Variants in FLG observed in about 807,000 individuals in gnomAD.
The protein encoded by FLG is filaggrin, also known as epidermal filaggrin.
Under a neutral mutation model 3.8 loss-of-function variants are expected in FLG, and 6 were observed. The ratio of observed to expected loss-of-function variants is 1.60; its 90% CI spans 0.87 to 3.15. The LOEUF (loss-of-function observed/expected upper bound fraction) is 3.15, where lower values mean the gene tolerates loss of function less well. Ranked by LOEUF, FLG falls within the 30% of genes most tolerant of loss-of-function variation. FLG has a pLI of 0.00. For synonymous variants in FLG, 2,551 were observed against 1,931.6 expected (o/e 1.32, Z -8.41); for missense variants, 7,595 against 5,050.9 (o/e 1.50, Z -15.27).
Position 152,304,619 on chromosome 1 carries a change from T to C in FLG, c.10267A>G (p.Arg3423Gly), listed in dbSNP as rs765987006. 1 of 1,613,008 alleles carries C rather than the reference T, an allele frequency of 6.2e-7. No individual in the cohort carries two copies. Among genetic ancestry groups the C allele is most frequent in the Admixed American group, 1.7e-5 (1 of 59,886 alleles). The change falls in exon 3 of 3, where the codon AGG becomes GGG. Residue 3423 changes from arginine (R) to glycine (G), a missense_variant. Coordinates refer to ENST00000368799, the MANE Select transcript of FLG (RefSeq NM_002016.2). Reference protein sequence around the residue: ...SHHEQARDSSRHSASQEGQDT... With the variant: ...SHHEQARDSSGHSASQEGQDT... Reference sequence around the variant, plus strand: ...TGACCCTCTTGGGACGCTGAGTGCCTGGAGCTGTCTCGTGCCTGCTCGTGG... The same window carrying C: ...TGACCCTCTTGGGACGCTGAGTGCCCGGAGCTGTCTCGTGCCTGCTCGTGG...
rs147335121 is a variant in FLG at position 152,303,180 on chromosome 1, G to A, written c.11706C>T (p.Pro3902=). The A allele has an allele frequency of 6.2e-5, 100 of 1,613,960 alleles. No homozygotes were observed. Among genetic ancestry groups the A allele is most frequent in the Non-Finnish European group, 8.1e-5 (96 of 1,180,022 alleles). ...TGGCTGTATCGCGGTGAGAGGATCC[G>A]GGGTGTCTGGAGCCATCTCTTGACT... is the stretch of plus-strand genomic sequence containing the variant. ...REQSRDGSRH[P]GSSHRDTASH... The change falls in exon 3 of 3, where the codon CCC becomes CCT. Residue 3902 remains proline (P), a synonymous_variant. Transcript: ENST00000368799.
In FLG at chr1:152,307,217, G is replaced by T. The variant is rs146352614; in HGVS notation, c.7669C>A (p.Pro2557Thr). Residue 2557 changes from proline to threonine, a missense_variant, in exon 3 of 3, where the codon CCC becomes ACC. Coordinates refer to ENST00000368799, the MANE Select transcript of FLG (RefSeq NM_002016.2). ...SQVGQGQSEG[P>T]RTSRNWGSSF... ...GATCCCCAGTTCCTGCTTGTCCTGG[G>T]CCCCTCTGATTGTCCCTGGCCCACC... 12 of 1,612,402 alleles carry T rather than the reference G, an allele frequency of 7.4e-6. No homozygotes were observed. The highest frequency in any genetic ancestry group is 1.0e-5 in the Non-Finnish European group (12 of 1,179,718).
Position 152,303,493 on chromosome 1 carries a change from T to A in FLG, c.11393A>T (p.Asp3798Val). The change falls in exon 3 of 3, where the codon GAT becomes GTT. Residue 3798 changes from aspartate (D) to valine (V), a missense_variant. Physicochemically the swap from Asp to Val is radical, Grantham distance 152 (BLOSUM62 -3). Transcript: ENST00000368799. ...GGATCCTGACTGCCCATGGGAGGCA[T>A]CAGACCTTCCCTGGGATGTGGTGTG... ...HSHTTSQGRS[D>V]ASHGQSGSRS... 6.2e-7 allele frequency: 1 copy of A among 1,614,018 alleles called. No individual in the cohort carries two copies. Among genetic ancestry groups the A allele is most frequent in the Non-Finnish European group, 8.5e-7 (1 of 1,180,002 alleles).
rs768819221 is a variant in FLG, at chr1:152,307,522, G to A, written c.7364C>T (p.Ser2455Phe). 1.9e-6 allele frequency: 3 copies of A among 1,613,492 alleles called. No homozygotes were observed. Among genetic ancestry groups the A allele is most frequent in the South Asian group, 1.1e-5 (1 of 91,026 alleles). ...ATGAATGGTGTCCTGACCCTCTTGG[G>A]ACGTTGAGTGCCTGGAGCTGTCTCG... Reference protein sequence around the residue: ...QARDSSRHSTSQEGQDTIHGH... With the variant: ...QARDSSRHSTFQEGQDTIHGH... The change falls in exon 3 of 3, where the codon TCC becomes TTC. Residue 2455 changes from serine (S) to phenylalanine (F), a missense_variant. Coordinates refer to ENST00000368799, the MANE Select transcript of FLG (RefSeq NM_002016.2).
At position 152,314,632 on chromosome 1, in the gene FLG, T is replaced by C. The variant is rs755737937; in HGVS notation, c.254A>G (p.Tyr85Cys). 123 of 1,613,992 alleles carry C rather than the reference T, an allele frequency of 7.6e-5. No individual in the cohort carries two copies. The Admixed American group carries it at 2.0e-3, about 26-fold the overall frequency. Residue 85 changes from tyrosine to cysteine, a missense_variant, in exon 3 of 3, where the codon TAT becomes TGT. Coordinates refer to ENST00000368799, the MANE Select transcript of FLG (RefSeq NM_002016.2). ...ATTCTCTTTTCTGGTAGACTCATAA[T>C]ATGCTTGAGCCAACTTGAATACCAT... ...LLMVFKLAQA[Y>C]YESTRKENLP... is the part of the protein sequence containing the mutation.
rs3126068 is a variant in FLG, at chr1:152,305,158, A to G, written c.9728T>C (p.Val3243Ala). Residue 3243 changes from valine (V) to alanine (A), a missense_variant, in exon 3 of 3, where the codon GTT (valine) becomes GCT (alanine). Transcript: ENST00000368799. ...GSASRNHRGSVQEQSRHGSRH... is the reference protein window; with the variant it reads ...GSASRNHRGSAQEQSRHGSRH... The stretch of plus-strand genomic sequence containing the variant: ...GGAGCCGTGCCTTGACTGCTCCTGA[A>G]CAGATCCACGATGGTTTCTGGAAGC... The G allele has an allele frequency of 1.9e-4, 313 of 1,613,394 alleles. 12 individuals are homozygous for G. In the South Asian group the frequency reaches 2.2e-3, roughly 11 times the overall value.
chr1:152,311,297 G>C lies in FLG; in HGVS notation c.3589C>G (p.His1197Asp). ...RSGHSGSHHS[H>D]TTSQGRSDAS... ...TCAGACCTTCCCTGGGATGTGGTGT[G>C]GCTGTGATGGGACCCTGAGTGTCCA... The change falls in exon 3 of 3, where the codon CAC becomes GAC. Residue 1197 changes from histidine to aspartate, a missense_variant. His to Asp is a moderately conservative substitution (Grantham distance 81). Coordinates refer to ENST00000368799, the MANE Select transcript of FLG (RefSeq NM_002016.2). 1 of 1,613,872 alleles carries C rather than the reference G, an allele frequency of 6.2e-7. No homozygotes were observed. The highest frequency in any genetic ancestry group is 8.5e-7 in the Non-Finnish European group (1 of 1,179,974).
chr1:152,304,935 G>T lies in FLG; in HGVS notation c.9951C>A (p.Gly3317=). The T allele has an allele frequency of 6.2e-7, 1 of 1,613,776 alleles. No homozygotes were observed. Among genetic ancestry groups the T allele is most frequent in the Non-Finnish European group, 8.5e-7 (1 of 1,179,980 alleles). The change falls in exon 3 of 3, where the codon GGC becomes GGA. Residue 3317 remains glycine, a synonymous_variant. Coordinates refer to ENST00000368799, the MANE Select transcript of FLG (RefSeq NM_002016.2). The stretch of plus-strand genomic sequence containing the variant: ...CAGATGAAGCTTGTCCACGCGGAAT[G>T]CCTGAGTGTCTGGAGCTGTCTGCTG... The part of the protein sequence containing the change: ...QQSADSSRHS[G]IPRGQASSAV...
At position 152,304,328 on chromosome 1, in the gene FLG, G is replaced by C; in HGVS notation, c.10558C>G (p.Gln3520Glu). 6.2e-7 allele frequency: 1 copy of C among 1,611,718 alleles called. No individual in the cohort carries two copies. Among genetic ancestry groups the C allele is most frequent in the Non-Finnish European group, 8.5e-7 (1 of 1,178,916 alleles). ...STQADSSRHS[Q>E]SGQGQSAGPR... Reference sequence around the variant, plus strand: ...CCCGCTGATTGTCCCTGGCCGGACTGTGAGTGTCTAGAGCTGTCCGCCTGA... The same window carrying C: ...CCCGCTGATTGTCCCTGGCCGGACTCTGAGTGTCTAGAGCTGTCCGCCTGA... Residue 3520 changes from glutamine (Q) to glutamate (E), a missense_variant, in exon 3 of 3, where the codon CAG (glutamine) becomes GAG (glutamate). Coordinates refer to ENST00000368799, the MANE Select transcript of FLG (RefSeq NM_002016.2).
rs1374782023 is a variant in FLG at position 152,308,139 on chromosome 1, A to G, written c.6747T>C (p.Ser2249=). 1 of 1,613,750 alleles carries G rather than the reference A, an allele frequency of 6.2e-7. No individual in the cohort carries two copies. Among genetic ancestry groups the G allele is most frequent in the Non-Finnish European group, 8.5e-7 (1 of 1,179,952 alleles). The change falls in exon 3 of 3, where the codon AGT becomes AGC. Residue 2249 remains serine, a synonymous_variant. Transcript: ENST00000368799. ...TCTCAGAATCTTCTGAGTGTCCCTC[A>G]CTGTCACTGTCCTGGCTAACACTGG... ...RGSSVSQDSD[S]EGHSEDSERR... is the part of the protein sequence containing the mutation.
chr1:152,307,268 G>A lies in FLG; in HGVS notation c.7618C>T (p.Arg2540Trp), dbSNP rs547788565. 1,039 of 1,613,022 alleles carry A rather than the reference G, an allele frequency of 6.4e-4. 16 individuals carry two copies. In the South Asian group the frequency reaches 0.01, roughly 16 times the overall value. ...SGSRHHEASS[R>W]ADSSGHSQVG... ...TGCGAGTGTCCAGAGCTGTCGGCCC[G>A]AGAGGAAGCTTCATGGTGACGCGAC... The change falls in exon 3 of 3, where the codon CGG becomes TGG. Residue 2540 changes from arginine (R) to tryptophan (W), a missense_variant. Transcript: ENST00000368799.
chr1:152,313,428 C>G lies in FLG; in HGVS notation c.1458G>C (p.Gly486=). The G allele has an allele frequency of 6.2e-7, 1 of 1,613,770 alleles. No individual in the cohort carries two copies. The highest frequency in any genetic ancestry group is 8.5e-7 in the Non-Finnish European group (1 of 1,179,942). ...ATCCTTGTCTTCCTCCAGTGCTGGT[C>G]CCGGTCCGTCCATGGGCAGAGTCAG... ...EQPDSAHGRT[G]TSTGGRQGSH... is the part of the protein sequence containing the mutation. The change falls in exon 3 of 3, where the codon GGG becomes GGC. Residue 486 remains glycine (G), a synonymous_variant. Transcript: ENST00000368799.
rs760874693 is a variant in FLG at position 152,308,826 on chromosome 1, T to G, written c.6060A>C (p.Ser2020=). 27 of 1,614,178 alleles carry G rather than the reference T, an allele frequency of 1.7e-5. No homozygotes were observed. The African/African-American group carries it at 3.2e-4, about 19-fold the overall frequency. Residue 2020 remains serine (S), a synonymous_variant, in exon 3 of 3, where the codon TCA becomes TCC. Coordinates refer to ENST00000368799, the MANE Select transcript of FLG (RefSeq NM_002016.2). The part of the protein sequence containing the change: ...QLQSADSSRH[S]GIGHGQASSA... ...ATGAAGCTTGTCCATGCCCAATGCC[T>G]GAGTGTCTGGAGCTGTCTGCTGACT...
chr1:152,307,103 C>A lies in FLG; in HGVS notation c.7783G>T (p.Ala2595Ser), dbSNP rs572388274. Reference sequence around the variant, plus strand: ...GAGCCATCTCTTAGCTGCTCCTGAGCAGATCCATGATGGTTTCTGGAAGCA... The same window carrying A: ...GAGCCATCTCTTAGCTGCTCCTGAGAAGATCCATGATGGTTTCTGGAAGCA... ...GSASRNHHGS[A>S]QEQLRDGSRH... The change falls in exon 3 of 3, where the codon GCT (alanine) becomes TCT (serine). Residue 2595 changes from alanine (A) to serine (S), a missense_variant. By Grantham distance (99) the Ala-to-Ser change is moderately conservative. Coordinates refer to ENST00000368799, the MANE Select transcript of FLG (RefSeq NM_002016.2). The A allele has an allele frequency of 3.1e-6, 5 of 1,611,222 alleles. No individual in the cohort carries two copies. The highest frequency in any genetic ancestry group is 2.7e-5 in the African/African-American group (2 of 73,052).
chr1:152,303,292 T>G lies in FLG; in HGVS notation c.11594A>C (p.Gln3865Pro). Reference sequence around the variant, plus strand: ...TGGGTATGCCTCACTGTCACTGTCCTGGCTAACACTGGATCCCTGGCGCCT... The same window carrying G: ...TGGGTATGCCTCACTGTCACTGTCCGGGCTAACACTGGATCCCTGGCGCCT... ...RSRRQGSSVS[Q>P]DSDSEAYPED... The change falls in exon 3 of 3, where the codon CAG becomes CCG. Residue 3865 changes from glutamine to proline, a missense_variant. Transcript: ENST00000368799. 1 of 1,614,134 alleles carries G rather than the reference T, an allele frequency of 6.2e-7. No homozygotes were observed. Among genetic ancestry groups the G allele is most frequent in the Non-Finnish European group, 8.5e-7 (1 of 1,180,020 alleles).
At chr1:152,315,786 A>G (rs1257090042) in intron 1 of FLG, among the ~76,000 whole-genome samples, 1 of 152,176 alleles carries the variant, frequency 6.6e-6, no homozygotes, top group Non-Finnish European at 1.5e-5. Context: ...GCTAGCAACA[A>G]GAATTTAGAA....
chr1:152,322,850 T>A (rs1220278276), intron 1 of FLG, among the ~76,000 whole-genome samples: 1 of 151,362 alleles, frequency 6.6e-6, no homozygotes, highest in Non-Finnish European at 1.5e-5. Context: ...ATATCTGAAG[T>A]TTTTTTAAAA....
Position 152,313,393 on chromosome 1 carries a change from T to A in FLG, c.1493A>T (p.Glu498Val). 1 of 1,613,718 alleles carries A rather than the reference T, an allele frequency of 6.2e-7. No individual in the cohort carries two copies. Among genetic ancestry groups the A allele is most frequent in the Non-Finnish European group, 8.5e-7 (1 of 1,179,884 alleles). Residue 498 changes from glutamate to valine, a missense_variant, in exon 3 of 3, where the codon GAG (glutamate) becomes GTG (valine). Transcript: ENST00000368799. ...STGGRQGSHH[E>V]QARDSSRHSA... ...ATGCCTGGAGCTGTCTCGTGCCTGC[T>A]CGTGGTGCGATCCTTGTCTTCCTCC...
chr1:152,321,393 C>T (rs1255109304), intron 1 of FLG, among the ~76,000 whole-genome samples: 3 of 150,720 alleles, frequency 2.0e-5, no homozygotes, highest in Non-Finnish European at 4.5e-5. Flanking sequence ...AAGATTCAGC[C>T]TTTGAAAAAT....
Sources: allele counts gnomAD v4.1 joint callset (sites outside exome capture counted in the v4.1 genomes callset), GRCh38; gene constraint gnomAD v4.1.1; transcripts MANE v1.5; gene names NCBI Gene and HGNC (gene_info 2026-07-23, HGNC 2026-07-21).